Variants in OSBPL3 observed in about 807,000 individuals in gnomAD.
OSBPL3 encodes the protein oxysterol-binding protein-related protein 3.
Under a neutral mutation model 120.1 loss-of-function variants are expected in OSBPL3, and 65 were observed. The observed-to-expected ratio is 0.54, with a 90% CI of 0.44 to 0.67. OSBPL3 has a LOEUF of 0.67. Ranked by LOEUF, OSBPL3 falls within the 30% of genes least tolerant of loss-of-function variation. OSBPL3 has a pLI of 0.00. For synonymous variants in OSBPL3, 416 were observed against 402.6 expected (o/e 1.03, Z -0.40); for missense variants, 1,004 against 1,082.1 (o/e 0.93, Z 1.01).
rs1332174716 is a variant in OSBPL3, at chr7:24,937,062, C to T, written c.-150+42824G>A. 6.6e-6 allele frequency among the ~76,000 whole-genome samples: 1 copy of T among 152,180 alleles called. No homozygotes were observed. Among genetic ancestry groups the T allele is most frequent in the Non-Finnish European group, 1.5e-5 (1 of 68,042 alleles). On this transcript the variant is annotated intron_variant, in intron 1 of 22. Coordinates refer to ENST00000313367, the MANE Select transcript of OSBPL3 (RefSeq NM_015550.4). The surrounding 1 kb of genome is among the most constrained non-coding windows in gnomAD (Gnocchi z 4.0). ...AAAGAGGTTTAATTGACTCACAGTT[C>T]AGCATGGCTGGGGAAGCCTCAGGAA... is the stretch of plus-strand genomic sequence containing the variant.
chr7:24,855,766 A>G lies in OSBPL3; in HGVS notation c.1028-3132T>C, dbSNP rs1220099248. On this transcript the variant is annotated intron_variant, in intron 10 of 22. Coordinates refer to ENST00000313367, the MANE Select transcript of OSBPL3 (RefSeq NM_015550.4). The surrounding 1 kb of genome is among the most constrained non-coding windows in gnomAD (Gnocchi z 4.3). ...GCTTTCTTACTTATTTCTAACATGA[A>G]TCTAAGCTTACTAGAGACAAATAAA... Among the ~76,000 whole-genome samples, 2 of 152,240 alleles carry G rather than the reference A, an allele frequency of 1.3e-5. No individual in the cohort carries two copies. The highest frequency in any genetic ancestry group is 2.4e-5 in the African/African-American group (1 of 41,460).
At chr7:24,832,780 G>A (rs1796555190) in intron 15 of OSBPL3, among the ~76,000 whole-genome samples, 1 of 152,212 alleles carries the variant, frequency 6.6e-6, no homozygotes, top group South Asian at 2.1e-4. Flanking sequence ...GGAGGCAGAA[G>A]GAAGCACTCT....
intron 2 of OSBPL3, among the ~76,000 whole-genome samples, chr7:24,880,067 C>A (rs1803436447): frequency 6.6e-6 from 1 of 152,180 alleles, no homozygotes; most frequent in Non-Finnish European, 1.5e-5. Context: ...TCTGGCCATG[C>A]AGCCCACTGG....
In OSBPL3 at chr7:24,930,771, T is replaced by TA. The variant is rs1262962518; in HGVS notation, c.-149-38151dup. Among the ~76,000 whole-genome samples, 2 of 152,192 alleles carry TA rather than the reference T, an allele frequency of 1.3e-5. No homozygotes were observed. The highest frequency in any genetic ancestry group is 2.9e-5 in the Non-Finnish European group (2 of 68,028). ...CTCTGAAAGCCTTCTGTGGAGTCTT[T>TA]AAGGGTTTAAGAACCTAGGTTGAGG... On this transcript the variant is annotated intron_variant, in intron 1 of 22. Coordinates refer to ENST00000313367, the MANE Select transcript of OSBPL3 (RefSeq NM_015550.4). This position sits in a 1 kb window ranked among gnomAD's most constrained non-coding sequence, Gnocchi z 4.4.
rs1428101824 is a variant in OSBPL3, at chr7:24,863,317, G to A, written c.778-25C>T. 2 of 1,587,494 alleles carry A rather than the reference G, an allele frequency of 1.3e-6. No homozygotes were observed. Among genetic ancestry groups the A allele is most frequent in the Non-Finnish European group, 8.7e-7 (1 of 1,155,666 alleles). Reference sequence around the variant, plus strand: ...CCTTTGTTTCAAAACAGGAAAGAGAGCACAGACAGTAAAGTCCACCAAACC... The same window carrying A: ...CCTTTGTTTCAAAACAGGAAAGAGAACACAGACAGTAAAGTCCACCAAACC... On this transcript the variant is annotated intron_variant, in intron 8 of 22. Coordinates refer to ENST00000313367, the MANE Select transcript of OSBPL3 (RefSeq NM_015550.4). The surrounding 1 kb of genome is among the most constrained non-coding windows in gnomAD (Gnocchi z 5.8).
At chr7:24,840,221 C>G (rs1797563083) in intron 14 of OSBPL3, among the ~76,000 whole-genome samples, 1 of 151,934 alleles carries the variant, frequency 6.6e-6, no homozygotes, top group Non-Finnish European at 1.5e-5. Flanking sequence ...TGTAGCGGGT[C>G]CTCTACACAG....
At position 24,824,576 on chromosome 7, in the gene OSBPL3, C is replaced by T. The variant is rs2128150969; in HGVS notation, c.1885-4338G>A. On this transcript the variant is annotated intron_variant, in intron 16 of 22. Transcript: ENST00000313367. The surrounding 1 kb of genome is among the most constrained non-coding windows in gnomAD (Gnocchi z 4.9). Reference sequence around the variant, plus strand: ...GTGAAGAAGTCATCCAGAGAGGGGACCAAGTGGCCATTCTTTCCAGGTCAC... The same window carrying T: ...GTGAAGAAGTCATCCAGAGAGGGGATCAAGTGGCCATTCTTTCCAGGTCAC... Among the ~76,000 whole-genome samples, 1 of 152,226 alleles carries T rather than the reference C, an allele frequency of 6.6e-6. No individual in the cohort carries two copies. Among genetic ancestry groups the T allele is most frequent in the African/African-American group, 2.4e-5 (1 of 41,532 alleles).
intron 1 of OSBPL3, among the ~76,000 whole-genome samples, chr7:24,949,251 A>C (rs574025341): frequency 6.6e-6 from 1 of 152,200 alleles, no homozygotes. Flanking sequence ...ACAGACCTAC[A>C]GCATAGCTTC....
intron 1 of OSBPL3, among the ~76,000 whole-genome samples, chr7:24,906,763 T>C (rs1327679656): frequency 6.6e-6 from 1 of 152,182 alleles, no homozygotes; most frequent in East Asian, 1.9e-4. Flanking sequence ...ACTGTCTCCT[T>C]TTCTCTCCCA....
At position 24,814,220 on chromosome 7, in the gene OSBPL3, C is replaced by T. The variant is rs780823237; in HGVS notation, c.2172+839G>A. On this transcript the variant is annotated intron_variant, in intron 19 of 22. Transcript: ENST00000313367. ...AGAAAGAGAAAGAAGGCCAGTGTGG[C>T]CAGAGGACAGTGGGGAAAAAGAGGG... Among the ~76,000 whole-genome samples, 4 of 151,772 alleles carry T rather than the reference C, an allele frequency of 2.6e-5. No homozygotes were observed. The East Asian group carries it at 5.8e-4, about 22-fold the overall frequency.
chr7:24,834,012 C>A lies in OSBPL3; in HGVS notation c.1746+474G>T. On this transcript the variant is annotated intron_variant, in intron 15 of 22. Transcript: ENST00000313367. This position sits in a 1 kb window ranked among gnomAD's most constrained non-coding sequence, Gnocchi z 5.2. ...TGATGTGAAAACCTCCTCTTGTGAA[C>A]TTTATTTTCCAAAAACCTAGGAGCT... 1.4e-6 allele frequency: 1 copy of A among 728,776 alleles called. No homozygotes were observed. The highest frequency in any genetic ancestry group is 1.7e-6 in the Non-Finnish European group (1 of 595,422). 45.1% of individuals were successfully genotyped at this position (728,776 alleles called of 1,614,324 possible). A position where few individuals can be genotyped will look rare whatever the true frequency, so the allele number is the denominator to read the frequency against.
In OSBPL3 at chr7:24,943,498, T is replaced by C. The variant is rs569611459; in HGVS notation, c.-150+36388A>G. Among the ~76,000 whole-genome samples, 3 of 152,344 alleles carry C rather than the reference T, an allele frequency of 2.0e-5. No individual in the cohort carries two copies. In the South Asian group the frequency reaches 6.2e-4, roughly 32 times the overall value. ...TTTATCACCTCAAATCTTACCTGCA[T>C]AGTTTCTATATTTGCTTTGGTGGGA... On this transcript the variant is annotated intron_variant, in intron 1 of 22. Coordinates refer to ENST00000313367, the MANE Select transcript of OSBPL3 (RefSeq NM_015550.4).
rs1800057748 is a variant in OSBPL3, at chr7:24,858,128, A to G, written c.1027+3485T>C. ...GCCATAAAAATCAAACTCACAGTCT[A>G]TAATATAGAATAAGGACTTTTAAAA... is the stretch of plus-strand genomic sequence containing the variant. On this transcript the variant is annotated intron_variant, in intron 10 of 22. Coordinates refer to ENST00000313367, the MANE Select transcript of OSBPL3 (RefSeq NM_015550.4). 2.0e-5 allele frequency among the ~76,000 whole-genome samples: 3 copies of G among 152,230 alleles called. No individual in the cohort carries two copies. The South Asian group carries it at 6.2e-4, about 32-fold the overall frequency.
At chr7:24,962,743 C>T (rs1027074740) in intron 1 of OSBPL3, among the ~76,000 whole-genome samples, 3 of 152,166 alleles carry the variant, frequency 2.0e-5, no homozygotes, top group African/African-American at 7.2e-5. Context: ...ATGACTTGCC[C>T]CTAGGTCCAG....
rs575915577 is a variant in OSBPL3 at position 24,896,866 on chromosome 7, G to C, written c.-149-4245C>G. Among the ~76,000 whole-genome samples, 1 of 152,302 alleles carries C rather than the reference G, an allele frequency of 6.6e-6. No individual in the cohort carries two copies. Among genetic ancestry groups the C allele is most frequent in the South Asian group, 2.1e-4 (1 of 4,832 alleles). ...GCGACTGGATTACTTGAGGTCAGGA[G>C]TTCAAGACCAGCCTGGCCAACATGG... On this transcript the variant is annotated intron_variant, in intron 1 of 22. Transcript: ENST00000313367. The surrounding 1 kb of genome is among the most constrained non-coding windows in gnomAD (Gnocchi z 4.4).
At chr7:24,868,338 A>AGTGTGT (rs55688298) in intron 5 of OSBPL3, among the ~76,000 whole-genome samples, 33 of 137,948 alleles carry the variant, frequency 2.4e-4, no homozygotes, top group African/African-American at 6.0e-4. Flanking sequence ...AAAAAAAAAA[A>AGTGTGT]GTGTGTGTGT....
rs1370831703 is a variant in OSBPL3, at chr7:24,883,205, G to A, written c.96+9172C>T. 6.6e-6 allele frequency among the ~76,000 whole-genome samples: 1 copy of A among 152,180 alleles called. No homozygotes were observed. Among genetic ancestry groups the A allele is most frequent in the Non-Finnish European group, 1.5e-5 (1 of 68,036 alleles). On this transcript the variant is annotated intron_variant, in intron 2 of 22. Transcript: ENST00000313367. The surrounding 1 kb of genome is among the most constrained non-coding windows in gnomAD (Gnocchi z 5.4). ...CAGAGAGGAGGTGATTTAGGGTGAT[G>A]TGGGCTTGTGAACAGATGCAGTGGA...
intron 16 of OSBPL3, among the ~76,000 whole-genome samples, chr7:24,823,163 T>G (rs1449592996): frequency 6.6e-6 from 1 of 152,196 alleles, no homozygotes; most frequent in Non-Finnish European, 1.5e-5. Context: ...GCTGGCTGTA[T>G]GACCTTCACA....
chr7:24,849,922 G>C lies in OSBPL3; in HGVS notation c.1159-746C>G, dbSNP rs962513470. ...TGCAGCGAGCTGAGATTGCGGCCTGGGTGAGAGTGAGACCCTGTCTCACGA... is the reference window on the plus strand; with the variant it reads ...TGCAGCGAGCTGAGATTGCGGCCTGCGTGAGAGTGAGACCCTGTCTCACGA... On this transcript the variant is annotated intron_variant, in intron 11 of 22. Transcript: ENST00000313367. The surrounding 1 kb of genome is among the most constrained non-coding windows in gnomAD (Gnocchi z 5.4). 2.0e-5 allele frequency among the ~76,000 whole-genome samples: 3 copies of C among 151,242 alleles called. No individual in the cohort carries two copies. Among genetic ancestry groups the C allele is most frequent in the Admixed American group, 6.6e-5 (1 of 15,184 alleles).
Sources: allele counts gnomAD v4.1 joint callset (sites outside exome capture counted in the v4.1 genomes callset), GRCh38; gene constraint gnomAD v4.1.1; non-coding constraint Gnocchi (gnomAD v3.1); transcripts MANE v1.5; gene names NCBI Gene and HGNC (gene_info 2026-07-23, HGNC 2026-07-21).